Variants in NBEA observed in about 807,000 individuals in gnomAD.
The protein encoded by NBEA is neurobeachin.
In NBEA, 44 loss-of-function variants were observed where a neutral mutation model predicts 343.4. That is an observed-to-expected ratio of 0.13 (90% CI 0.10 to 0.16). The LOEUF is 0.16. Ranked by LOEUF, NBEA falls within the 10% of genes least tolerant of loss-of-function variation. The pLI is 1.00. For synonymous variants in NBEA, 1,175 were observed against 1,238.7 expected (o/e 0.95, Z 1.08); for missense variants, 2,555 against 3,631.3 (o/e 0.70, Z 7.62).
chr13:34,994,917 T>C (rs149497574), intron 1 of NBEA, among the ~76,000 whole-genome samples: 1 of 152,286 alleles, frequency 6.6e-6, no homozygotes, highest in African/African-American at 2.4e-5. Context: ...TTTGAATAGT[T>C]GATAGCTTAA....
At chr13:34,974,049 G>A (rs573974584) in intron 1 of NBEA, among the ~76,000 whole-genome samples, 27 of 152,266 alleles carry the variant, frequency 1.8e-4, no homozygotes, top group Non-Finnish European at 2.4e-4. Context: ...GCAAAGATCC[G>A]TGGGAGAAGC....
chr13:35,587,489 C>T (rs2081341812), intron 46 of NBEA, among the ~76,000 whole-genome samples: 1 of 152,126 alleles, frequency 6.6e-6, no homozygotes, highest in Non-Finnish European at 1.5e-5. Flanking sequence ...GAGCAGGACA[C>T]CTCTTGCAGG....
intron 38 of NBEA, among the ~76,000 whole-genome samples, chr13:35,374,979 G>C (rs2041656441): frequency 6.6e-6 from 1 of 152,066 alleles, no homozygotes; most frequent in Non-Finnish European, 1.5e-5. Context: ...TTGTTCATTT[G>C]TAAATGTTTT....
intron 34 of NBEA, 108 bp downstream of exon 34, chr13:35,232,727 A>G (rs780378731): frequency 8.7e-5 from 70 of 805,200 alleles, no homozygotes; most frequent in Non-Finnish European, 1.1e-4. Context: ...ATGTAAAGGC[A>G]TTACTTCACA....
intron 38 of NBEA, among the ~76,000 whole-genome samples, chr13:35,378,406 T>G (rs1236656432): frequency 6.6e-6 from 1 of 152,208 alleles, no homozygotes; most frequent in Non-Finnish European, 1.5e-5. Context: ...ATTTTGGTTT[T>G]GTCCTGGTAT....
intron 41 of NBEA, among the ~76,000 whole-genome samples, chr13:35,473,647 A>T (rs1015595137): frequency 6.6e-6 from 1 of 152,150 alleles, no homozygotes; most frequent in Non-Finnish European, 1.5e-5. Flanking sequence ...AATGCACTGT[A>T]TTTTATTTTA....
intron 36 of NBEA, among the ~76,000 whole-genome samples, chr13:35,348,837 A>T (rs918469313): frequency 6.6e-6 from 1 of 152,006 alleles, no homozygotes; most frequent in Non-Finnish European, 1.5e-5. Flanking sequence ...TCCAACCAAA[A>T]TTTTTTATTT....
rs763418688 is a variant in NBEA, at chr13:35,606,409, A to G, written c.7297-17A>G. On this transcript the variant is annotated splice_polypyrimidine_tract_variant and intron_variant, in intron 47 of 58. Coordinates refer to ENST00000379939, the MANE Select transcript of NBEA (RefSeq NM_001385012.1). ...TTTATAAAGTGGTTTAATATGCTTC[A>G]TTTTTATTCCTGATAGGAACTAATT... 3 of 1,395,418 alleles carry G rather than the reference A, an allele frequency of 2.1e-6. No homozygotes were observed. Among genetic ancestry groups the G allele is most frequent in the African/African-American group, 2.9e-5 (2 of 69,494 alleles). The allele number at this position is 1,395,418 out of a possible 1,614,324, so 86.4% of individuals were successfully genotyped here. A position where few individuals can be genotyped will look rare whatever the true frequency, so the allele number is the denominator to read the frequency against.
At chr13:35,487,549 G>GT (rs1169585568) in intron 41 of NBEA, among the ~76,000 whole-genome samples, 2 of 151,828 alleles carry the variant, frequency 1.3e-5, no homozygotes, top group Non-Finnish European at 2.9e-5. Flanking sequence ...ACCAGCCATG[G>GT]TAACAACCAT....
At chr13:35,371,078 A>G (rs141822792) in intron 38 of NBEA, among the ~76,000 whole-genome samples, 103 of 152,096 alleles carry the variant, frequency 6.8e-4, no homozygotes, top group African/African-American at 2.5e-3. Context: ...ATTGGACTTT[A>G]ATGTGCCTTG....
intron 2 of NBEA, among the ~76,000 whole-genome samples, chr13:35,042,720 A>G (rs752502973): frequency 2.6e-5 from 4 of 151,798 alleles, no homozygotes; most frequent in Non-Finnish European, 4.4e-5. Flanking sequence ...AATTTCTAGC[A>G]TTTCCCTTCA....
Position 35,070,022 on chromosome 13 carries a change from A to G in NBEA, c.1354A>G (p.Thr452Ala). The change falls in exon 9 of 59, where the codon ACT becomes GCT. Residue 452 changes from threonine (T) to alanine (A), a missense_variant. Coordinates refer to ENST00000379939, the MANE Select transcript of NBEA (RefSeq NM_001385012.1). ...SIAFTYNAKATDAQLCLESSP... is the reference protein window; with the variant it reads ...SIAFTYNAKAADAQLCLESSP... ...TGCCTTTACATATAATGCTAAGGCC[A>G]CTGATGCTCAGCTCTGCCTGGAATC... The G allele has an allele frequency of 6.8e-6, 11 of 1,607,334 alleles. No homozygotes were observed. The highest frequency in any genetic ancestry group is 9.3e-6 in the Non-Finnish European group (11 of 1,177,282).
At chr13:34,973,441 T>C (rs1375737608) in intron 1 of NBEA, among the ~76,000 whole-genome samples, 1 of 152,170 alleles carries the variant, frequency 6.6e-6, no homozygotes, top group Admixed American at 6.5e-5. Context: ...CCCCTCCCTC[T>C]GGGAGCTCTG....
At chr13:35,247,012 C>T (rs2031302206) in intron 34 of NBEA, among the ~76,000 whole-genome samples, 1 of 152,002 alleles carries the variant, frequency 6.6e-6, no homozygotes, top group Non-Finnish European at 1.5e-5. Flanking sequence ...GTGTTATGTT[C>T]CCAGGAGGAT....
intron 1 of NBEA, among the ~76,000 whole-genome samples, chr13:34,961,203 A>G (rs2059650398): frequency 6.6e-6 from 1 of 152,102 alleles, no homozygotes; most frequent in Non-Finnish European, 1.5e-5. Flanking sequence ...AAAATTTAAT[A>G]ATTAGATGTG....
intron 41 of NBEA, among the ~76,000 whole-genome samples, chr13:35,510,373 G>T (rs1216021170): frequency 2.6e-5 from 4 of 152,144 alleles, no homozygotes; most frequent in Non-Finnish European, 5.9e-5. Flanking sequence ...TCCATGACAT[G>T]AAAATAATAT....
At chr13:35,513,262 G>A (rs1458507102) in intron 41 of NBEA, among the ~76,000 whole-genome samples, 19 of 145,240 alleles carry the variant, frequency 1.3e-4, no homozygotes, top group Non-Finnish European at 2.1e-4. Flanking sequence ...TCAGCCTCCC[G>A]AGTAGCTGGA....
At chr13:35,455,171 C>G (rs1465206623) in intron 40 of NBEA, among the ~76,000 whole-genome samples, 2 of 151,820 alleles carry the variant, frequency 1.3e-5, no homozygotes, top group Non-Finnish European at 2.9e-5. Context: ...TAAACCTAAA[C>G]CTGCTGATTA....
intron 31 of NBEA, among the ~76,000 whole-genome samples, chr13:35,205,607 T>G (rs768157071): frequency 1.3e-5 from 2 of 152,106 alleles, no homozygotes; most frequent in African/African-American, 4.8e-5. Context: ...CCTTGAAATA[T>G]AGTGCCTAAA....
Sources: allele counts gnomAD v4.1 joint callset (sites outside exome capture counted in the v4.1 genomes callset), GRCh38; gene constraint gnomAD v4.1.1; transcripts MANE v1.5; gene names NCBI Gene and HGNC (gene_info 2026-07-23, HGNC 2026-07-21).